HS3ST5: variants seen among roughly 807,000 people sequenced by gnomAD.
HS3ST5 encodes heparan sulfate glucosamine 3-O-sulfotransferase 5.
Under a neutral mutation model 25.4 loss-of-function variants are expected in HS3ST5, and 10 were observed. The ratio of observed to expected loss-of-function variants is 0.39; its 90% CI spans 0.24 to 0.67. HS3ST5 has a LOEUF of 0.67. HS3ST5 is among the 30% of genes least tolerant of loss of function. The probability of loss-of-function intolerance (pLI) is 0.44; values close to 1 mark genes in which losing one functional copy is unlikely to be tolerated. For synonymous variants in HS3ST5, 170 were observed against 162.4 expected (o/e 1.05, Z -0.36); for missense variants, 324 against 420.7 (o/e 0.77, Z 2.01).
chr6:114,330,605 G>A (rs1316436518), intron 1 of HS3ST5, among the ~76,000 whole-genome samples: 2 of 152,146 alleles, frequency 1.3e-5, no homozygotes, highest in Non-Finnish European at 2.9e-5. Context: ...AGCATCCACA[G>A]GTTCCACCCA....
At chr6:114,108,771 T>C (rs1030648382) in intron 3 of HS3ST5, among the ~76,000 whole-genome samples, 1 of 152,236 alleles carries the variant, frequency 6.6e-6, no homozygotes, top group African/African-American at 2.4e-5. Context: ...TTATCTTGAC[T>C]GTAGTGACAG....
chr6:114,273,068 G>A (rs1048911175), intron 1 of HS3ST5, among the ~76,000 whole-genome samples: 4 of 152,062 alleles, frequency 2.6e-5, no homozygotes, highest in Non-Finnish European at 4.4e-5. Flanking sequence ...CATGCTGGCT[G>A]TGTTGAAAAT....
At chr6:114,113,705 C>T (rs1442790916) in intron 3 of HS3ST5, among the ~76,000 whole-genome samples, 1 of 151,960 alleles carries the variant, frequency 6.6e-6, no homozygotes, top group Non-Finnish European at 1.5e-5. Context: ...CTGCCTGCCC[C>T]CACCAGAATG....
chr6:114,071,752 T>G (rs556827283), intron 3 of HS3ST5, among the ~76,000 whole-genome samples: 1 of 152,358 alleles, frequency 6.6e-6, no homozygotes, highest in African/African-American at 2.4e-5. Flanking sequence ...TAAATGACTT[T>G]AGTGTTTCTA....
At chr6:114,325,656 C>A (rs753982565) in intron 1 of HS3ST5, among the ~76,000 whole-genome samples, 1 of 151,970 alleles carries the variant, frequency 6.6e-6, no homozygotes, top group Non-Finnish European at 1.5e-5. Flanking sequence ...AACACACACA[C>A]AAAAACAAAA....
Position 114,134,041 on chromosome 6 carries a change from AAGG to A in HS3ST5, c.-33+34307_-33+34309del, listed in dbSNP as rs112074450. ...GTGGGAGGCGGTGGCTGGAGAGAAA[AAGG>A]AGGAGGAGGAGGAGAGAGAAATTTA... On this transcript the variant is annotated intron_variant, in intron 3 of 4. Coordinates refer to ENST00000312719, the MANE Select transcript of HS3ST5 (RefSeq NM_153612.4). Among the ~76,000 whole-genome samples, 52 of 151,980 alleles carry A rather than the reference AAGG, an allele frequency of 3.4e-4. 4 individuals carry two copies. The highest frequency in any genetic ancestry group is 1.1e-3 in the African/African-American group (44 of 41,464).
intron 1 of HS3ST5, among the ~76,000 whole-genome samples, chr6:114,335,138 T>G (rs565156826): frequency 2.0e-5 from 3 of 152,138 alleles, no homozygotes; most frequent in African/African-American, 7.2e-5. Flanking sequence ...GTGAGGATCA[T>G]GGCTCCACCC....
At chr6:114,245,850 A>G (rs766293506) in intron 1 of HS3ST5, among the ~76,000 whole-genome samples, 10 of 152,224 alleles carry the variant, frequency 6.6e-5, no homozygotes, top group African/African-American at 9.6e-5. Context: ...AGCTGCATAC[A>G]TGTGGGACCC....
chr6:114,291,478 G>C (rs1463238621), intron 1 of HS3ST5, among the ~76,000 whole-genome samples: 1 of 152,172 alleles, frequency 6.6e-6, no homozygotes, highest in Non-Finnish European at 1.5e-5. Context: ...ATTAAGCAGG[G>C]ACTGAACCTC....
At chr6:114,274,754 G>T (rs189534248) in intron 1 of HS3ST5, among the ~76,000 whole-genome samples, 20 of 152,152 alleles carry the variant, frequency 1.3e-4, no homozygotes, top group African/African-American at 4.6e-4. Flanking sequence ...AGTGGTTGCA[G>T]CAAGGTGAAG....
intron 1 of HS3ST5, among the ~76,000 whole-genome samples, chr6:114,261,851 T>C (rs1262347351): frequency 6.6e-6 from 1 of 152,216 alleles, no homozygotes; most frequent in Non-Finnish European, 1.5e-5. Flanking sequence ...TATTTATTCA[T>C]TTGTCAAGTA....
chr6:114,281,716 A>C (rs1030221637), intron 1 of HS3ST5: 16 of 152,136 alleles, frequency 1.1e-4, no homozygotes, highest in African/African-American at 3.9e-4. Flanking sequence ...GAAATCCCCA[A>C]GGGAACACCG....
At chr6:114,229,530 T>C (rs1269847937) in intron 1 of HS3ST5, among the ~76,000 whole-genome samples, 3 of 152,192 alleles carry the variant, frequency 2.0e-5, no homozygotes, top group Non-Finnish European at 4.4e-5. Context: ...AAGGTTCTAT[T>C]GCTTGGCCAA....
At chr6:114,076,986 T>G (rs1037877399) in intron 3 of HS3ST5, among the ~76,000 whole-genome samples, 10 of 152,190 alleles carry the variant, frequency 6.6e-5, no homozygotes, top group Non-Finnish European at 1.5e-5. Context: ...GGTTGATAAA[T>G]TATACAGAAC....
At chr6:114,282,634 T>C (rs1300227858) in intron 1 of HS3ST5, among the ~76,000 whole-genome samples, 1 of 152,022 alleles carries the variant, frequency 6.6e-6, no homozygotes, top group Admixed American at 6.6e-5. Flanking sequence ...CTGTATTGAA[T>C]GCTCTGTTTG....
chr6:114,076,321 A>G (rs1255307657), intron 3 of HS3ST5, among the ~76,000 whole-genome samples: 1 of 152,202 alleles, frequency 6.6e-6, no homozygotes, highest in Non-Finnish European at 1.5e-5. Flanking sequence ...TCTGGGCCCC[A>G]AATTCTCTTA....
At chr6:114,328,897 G>A (rs1468463061) in intron 1 of HS3ST5, among the ~76,000 whole-genome samples, 2 of 152,118 alleles carry the variant, frequency 1.3e-5, no homozygotes, top group Non-Finnish European at 2.9e-5. Context: ...TACCTTTATT[G>A]TGATGATGTC....
At chr6:114,130,064 A>C (rs1160107200) in intron 3 of HS3ST5, among the ~76,000 whole-genome samples, 1 of 152,248 alleles carries the variant, frequency 6.6e-6, no homozygotes, top group African/African-American at 2.4e-5. Context: ...CATCTCAATG[A>C]AACGAAGTAT....
chr6:114,339,905 C>G (rs529631749), intron 1 of HS3ST5, among the ~76,000 whole-genome samples: 1 of 152,324 alleles, frequency 6.6e-6, no homozygotes, highest in South Asian at 2.1e-4. Flanking sequence ...GATGCTGCTT[C>G]CCTAAGTAAG....
Sources: allele counts gnomAD v4.1 joint callset (sites outside exome capture counted in the v4.1 genomes callset), GRCh38; gene constraint gnomAD v4.1.1; transcripts MANE v1.5; gene names NCBI Gene and HGNC (gene_info 2026-07-23, HGNC 2026-07-21).